The following TACC2 variants were observed in gnomAD, a reference collection of about 807,000 sequenced individuals.
TACC2 encodes transforming acidic coiled-coil-containing protein 2.
In TACC2, 137 loss-of-function variants were observed where a neutral mutation model predicts 227.3. The observed-to-expected ratio is 0.60, with a 90% confidence interval of 0.52 to 0.69. The LOEUF (loss-of-function observed/expected upper bound fraction) is 0.69. Ranked by LOEUF, TACC2 falls within the 30% of genes least tolerant of loss-of-function variation. The probability of loss-of-function intolerance (pLI) is 0.00; values close to 1 mark genes in which losing one functional copy is unlikely to be tolerated. For missense variants in TACC2, 3,470 were observed against 3,694.4 expected (o/e 0.94, Z 1.57); for synonymous variants, 1,523 against 1,487.5 (o/e 1.02, Z -0.55).
intron 7 of TACC2, among the ~76,000 whole-genome samples, chr10:122,184,042 A>T (rs2094082721): frequency 6.6e-6 from 1 of 152,170 alleles, no homozygotes; most frequent in African/African-American, 2.4e-5. Context: ...TGTTGTAAGG[A>T]TCAGTCATGA....
intron 5 of TACC2, among the ~76,000 whole-genome samples, chr10:122,120,939 A>AT (rs1399484795): frequency 6.6e-6 from 1 of 151,960 alleles, no homozygotes; most frequent in Non-Finnish European, 1.5e-5. Context: ...TAATTTTTGC[A>AT]TTTTTTGGTA....
At chr10:122,076,685 C>T (rs2078850314) in intron 3 of TACC2, among the ~76,000 whole-genome samples, 1 of 151,578 alleles carries the variant, frequency 6.6e-6, no homozygotes, top group Admixed American at 6.6e-5. Flanking sequence ...GAAGTGCTGC[C>T]TTAACTTTGT....
intron 8 of TACC2, among the ~76,000 whole-genome samples, chr10:122,200,643 A>G (rs146111355): frequency 0.036 from 5,278 of 146,658 alleles, 431 homozygotes; most frequent in African/African-American, 0.13. Flanking sequence ...ACCTGCCCAC[A>G]GTGGCCACAT....
intron 7 of TACC2, among the ~76,000 whole-genome samples, chr10:122,192,001 A>C (rs2140484535): frequency 6.6e-6 from 1 of 152,278 alleles, no homozygotes; most frequent in Non-Finnish European, 1.5e-5. Flanking sequence ...CCTTGCTCTT[A>C]GAAATGTATT....
At chr10:122,071,452 T>C (rs1277426456) in intron 3 of TACC2, among the ~76,000 whole-genome samples, 4 of 152,042 alleles carry the variant, frequency 2.6e-5, no homozygotes, top group Non-Finnish European at 5.9e-5. Flanking sequence ...AGAGGGTTGC[T>C]GAAAAAAATT....
chr10:122,251,231 T>C (rs1406885864), intron 22 of TACC2, among the ~76,000 whole-genome samples: 1 of 152,196 alleles, frequency 6.6e-6, no homozygotes, highest in African/African-American at 2.4e-5. Context: ...TTTTTACCTT[T>C]CTTCTTAGGA....
chr10:121,990,707 C>T (rs1952992439), intron 1 of TACC2, among the ~76,000 whole-genome samples: 1 of 152,196 alleles, frequency 6.6e-6, no homozygotes, highest in South Asian at 2.1e-4. Flanking sequence ...ATGGAGAAAG[C>T]TCTCATCAGC....
intron 1 of TACC2, among the ~76,000 whole-genome samples, chr10:122,014,611 G>A (rs1298570058): frequency 6.6e-6 from 1 of 152,204 alleles, no homozygotes; most frequent in African/African-American, 2.4e-5. Context: ...AGACCTCACA[G>A]TCCTAGCAAT....
At chr10:122,002,007 T>A (rs1449325628) in intron 1 of TACC2, among the ~76,000 whole-genome samples, 1 of 152,246 alleles carries the variant, frequency 6.6e-6, no homozygotes, top group Non-Finnish European at 1.5e-5. Context: ...TATAACAGAA[T>A]ATCATAGACT....
At chr10:122,222,220 G>C (rs1341365146) in intron 11 of TACC2, among the ~76,000 whole-genome samples, 1 of 152,232 alleles carries the variant, frequency 6.6e-6, no homozygotes, top group Non-Finnish European at 1.5e-5. Context: ...CCTGCCCTTT[G>C]AGGCTTAGGA....
chr10:122,178,081 A>T (rs796402137), intron 7 of TACC2, among the ~76,000 whole-genome samples: 5 of 152,256 alleles, frequency 3.3e-5, no homozygotes, highest in African/African-American at 1.2e-4. Flanking sequence ...TTTATTTCTA[A>T]CAGTTTTGGA....
chr10:122,248,357 T>TA (rs2096175985), intron 19 of TACC2: 1 of 355,622 alleles, frequency 2.8e-6, no homozygotes, highest in Non-Finnish European at 5.2e-6. Flanking sequence ...GACACCAATA[T>TA]AGACCTGTGA....
chr10:122,009,927 A>T lies in TACC2; in HGVS notation c.-45-12010A>T, dbSNP rs1013607277. Among the ~76,000 whole-genome samples the T allele has an allele frequency of 5.3e-5, 8 of 152,200 alleles. No individual in the cohort carries two copies. In the East Asian group the frequency reaches 1.5e-3, roughly 29 times the overall value. On this transcript the variant is annotated intron_variant, in intron 1 of 22. Transcript: ENST00000369005. The stretch of plus-strand genomic sequence containing the variant: ...GTGACAGAGTGAGACTCTGTTTTCA[A>T]TAAGGTTGCCTGGGAAACAGAGGTT...
At chr10:122,224,516 C>A (rs1317786428) in intron 11 of TACC2, among the ~76,000 whole-genome samples, 2 of 152,174 alleles carry the variant, frequency 1.3e-5, no homozygotes, top group East Asian at 3.9e-4. Context: ...AGCCCCTTTA[C>A]AGCAAGACAT....
At chr10:122,133,258 C>G (rs911713865) in intron 6 of TACC2, among the ~76,000 whole-genome samples, 20 of 152,122 alleles carry the variant, frequency 1.3e-4, no homozygotes, top group African/African-American at 4.1e-4. Flanking sequence ...TCACCTCCCA[C>G]CAGCCTCCCT....
At chr10:122,047,288 C>CAAAAAAA (rs371181114) in intron 2 of TACC2, among the ~76,000 whole-genome samples, 9 of 60,880 alleles carry the variant, frequency 1.5e-4, no homozygotes, top group Admixed American at 5.7e-4. Context: ...GACTCCGTCT[C>CAAAAAAA]AAAAAAAAAA....
At chr10:122,232,517 A>G (rs999341867) in intron 16 of TACC2, among the ~76,000 whole-genome samples, 1 of 152,222 alleles carries the variant, frequency 6.6e-6, no homozygotes, top group African/African-American at 2.4e-5. Flanking sequence ...TTCATAGTAT[A>G]TAGGTCGGAG....
chr10:122,107,512 C>T (rs2082957884), intron 5 of TACC2, among the ~76,000 whole-genome samples: 1 of 152,044 alleles, frequency 6.6e-6, no homozygotes, highest in Non-Finnish European at 1.5e-5. Flanking sequence ...TCGCTTGAAC[C>T]TGGGAGGCGG....
At chr10:122,203,248 A>G (rs60938451) in intron 8 of TACC2, among the ~76,000 whole-genome samples, 7,469 of 127,252 alleles carry the variant, frequency 0.059, 1,212 homozygotes, top group African/African-American at 0.2. Flanking sequence ...GGGCAGAGGC[A>G]CCCCTCACCT....
Sources: allele counts gnomAD v4.1 joint callset (sites outside exome capture counted in the v4.1 genomes callset), GRCh38; gene constraint gnomAD v4.1.1; transcripts MANE v1.5; gene names NCBI Gene and HGNC (gene_info 2026-07-23, HGNC 2026-07-21).